Variants in PTPRO observed in about 807,000 individuals in gnomAD.
PTPRO encodes protein tyrosine phosphatase receptor type O, also known as receptor-type tyrosine-protein phosphatase O.
PTPRO carries 62 observed loss-of-function variants against 145.2 expected under a neutral mutation model. The ratio of observed to expected loss-of-function variants is 0.43; its 90% confidence interval spans 0.35 to 0.53. PTPRO has a LOEUF of 0.53. PTPRO is among the 20% of genes least tolerant of loss of function. The probability of loss-of-function intolerance (pLI) is 0.01; values close to 1 mark genes in which losing one functional copy is unlikely to be tolerated. For synonymous variants in PTPRO, 565 were observed against 514.7 expected (o/e 1.10, Z -1.32); for missense variants, 1,345 against 1,482.7 (o/e 0.91, Z 1.53).
intron 26 of PTPRO, 173 bp downstream of exon 26, chr12:15,595,230 A>G (rs1944635712): frequency 6.6e-6 from 4 of 606,258 alleles, no homozygotes; most frequent in Non-Finnish European, 1.2e-5. Context: ...CAAGTACTGT[A>G]GCAGATCTTT....
At chr12:15,438,581 A>G (rs1940666186) in intron 1 of PTPRO, among the ~76,000 whole-genome samples, 1 of 151,972 alleles carries the variant, frequency 6.6e-6, no homozygotes, top group South Asian at 2.1e-4. Context: ...ATCTTTATCA[A>G]TAGACTGAAC....
intron 1 of PTPRO, chr12:15,348,169 A>T (rs1937655541): frequency 6.6e-6 from 1 of 152,210 alleles, no homozygotes; most frequent in Non-Finnish European, 1.5e-5. Flanking sequence ...ATTATTCTGG[A>T]ATTTCTAGCT....
chr12:15,593,172 A>G (rs186099943), intron 25 of PTPRO, among the ~76,000 whole-genome samples: 29 of 152,370 alleles, frequency 1.9e-4, no homozygotes, highest in Admixed American at 5.2e-4. Context: ...ATAGGATACC[A>G]TCACCACAAA....
intron 1 of PTPRO, among the ~76,000 whole-genome samples, chr12:15,402,268 G>A (rs1391629354): frequency 6.6e-6 from 1 of 152,000 alleles, no homozygotes; most frequent in East Asian, 1.9e-4. Flanking sequence ...TGTGCCTGTA[G>A]TCCCAGCTAC....
In PTPRO at chr12:15,560,232, A is replaced by T; in HGVS notation, c.2667A>T (p.Ser889=). The part of the protein sequence containing the change: ...SIFAFLTLLP[S]CLWTDYLLAF... Reference sequence around the variant, plus strand: ...TTGCTTTCTTAACCCTGCTACCCTCATGTCTTTGGACTGATTATCTTTTGG... The same window carrying T: ...TTGCTTTCTTAACCCTGCTACCCTCTTGTCTTTGGACTGATTATCTTTTGG... The change falls in exon 17 of 27, where the codon TCA becomes TCT. Residue 889 remains serine (S), a synonymous_variant. Coordinates refer to ENST00000281171, the MANE Select transcript of PTPRO (RefSeq NM_030667.3). 1 of 1,596,484 alleles carries T rather than the reference A, an allele frequency of 6.3e-7. No homozygotes were observed. The highest frequency in any genetic ancestry group is 8.6e-7 in the Non-Finnish European group (1 of 1,164,356).
At chr12:15,391,998 C>T (rs954227992) in intron 1 of PTPRO, among the ~76,000 whole-genome samples, 3 of 152,114 alleles carry the variant, frequency 2.0e-5, no homozygotes, top group Admixed American at 6.5e-5. Context: ...GTATTATACC[C>T]AAGTTTTTGT....
At chr12:15,517,082 T>G in intron 9 of PTPRO, 126 bp downstream of exon 9, 1 of 920,278 alleles carries the variant, frequency 1.1e-6, no homozygotes, top group Non-Finnish European at 1.8e-6. Context: ...GTGTGTTAGT[T>G]CATTTTCACA....
chr12:15,523,427 A>G (rs1285316522), intron 10 of PTPRO, among the ~76,000 whole-genome samples: 1 of 152,190 alleles, frequency 6.6e-6, no homozygotes, highest in Non-Finnish European at 1.5e-5. Flanking sequence ...CCTATATAGT[A>G]TAAAGCTTGT....
chr12:15,526,020 CAATT>C, intron 11 of PTPRO, 118 bp from the exon 12 acceptor site: 1 of 1,236,266 alleles, frequency 8.1e-7, no homozygotes, highest in Non-Finnish European at 1.2e-6. Context: ...ATAATATAAT[CAATT>C]GCAGACTGCT....
intron 12 of PTPRO, among the ~76,000 whole-genome samples, chr12:15,534,711 T>C (rs1055372623): frequency 6.6e-6 from 1 of 152,176 alleles, no homozygotes. Flanking sequence ...TTTTAAGGCA[T>C]GCAGTTGGAA....
chr12:15,352,422 G>A (rs574681408), intron 1 of PTPRO, among the ~76,000 whole-genome samples: 1 of 152,188 alleles, frequency 6.6e-6, no homozygotes, highest in East Asian at 1.9e-4. Context: ...AGGCCAAGGT[G>A]GGCGGATCAC....
intron 17 of PTPRO, among the ~76,000 whole-genome samples, chr12:15,563,356 G>T (rs1943822326): frequency 6.6e-6 from 1 of 151,986 alleles, no homozygotes; most frequent in Admixed American, 6.6e-5. Context: ...AGTTAAAATT[G>T]CTAGCAAAGC....
intron 1 of PTPRO, among the ~76,000 whole-genome samples, chr12:15,340,532 T>A (rs1866942746): frequency 6.6e-6 from 1 of 152,222 alleles, no homozygotes; most frequent in South Asian, 2.1e-4. Context: ...AGTCTGTATA[T>A]CAGTGGATTC....
chr12:15,472,754 G>A (rs148536494), intron 1 of PTPRO, among the ~76,000 whole-genome samples: 7 of 152,252 alleles, frequency 4.6e-5, no homozygotes, highest in East Asian at 3.9e-4. Context: ...TTATTCACTC[G>A]TGTCACCAAA....
chr12:15,388,256 CA>C (rs966424620), intron 1 of PTPRO, among the ~76,000 whole-genome samples: 16 of 148,944 alleles, frequency 1.1e-4, no homozygotes, highest in South Asian at 2.1e-4. Flanking sequence ...TAAATTTTAC[CA>C]AAAAAAAATC....
At chr12:15,440,034 G>A (rs1407300941) in intron 1 of PTPRO, 5 of 658,972 alleles carry the variant, frequency 7.6e-6, no homozygotes, top group Non-Finnish European at 1.4e-5. Flanking sequence ...GGCTACAGGG[G>A]TAACAAGATC....
At chr12:15,330,439 T>C (rs1866576008) in intron 1 of PTPRO, among the ~76,000 whole-genome samples, 1 of 152,190 alleles carries the variant, frequency 6.6e-6, no homozygotes, top group Non-Finnish European at 1.5e-5. Context: ...CGAGATCAAC[T>C]GTGCTGGATA....
chr12:15,352,649 C>CAAAA (rs71042243), intron 1 of PTPRO, among the ~76,000 whole-genome samples: 2 of 100,350 alleles, frequency 2.0e-5, no homozygotes, highest in African/African-American at 8.1e-5. Flanking sequence ...GACTCTGTCT[C>CAAAA]AAAAAAAAAA....
At chr12:15,427,333 C>T in intron 1 of PTPRO, among the ~76,000 whole-genome samples, 1 of 151,800 alleles carries the variant, frequency 6.6e-6, no homozygotes. Flanking sequence ...AATATGTATG[C>T]CTGATGAATT....
Sources: gnomAD v4.1 joint callset for allele counts (sites outside exome capture counted in the v4.1 genomes callset) on GRCh38, gnomAD v4.1.1 for gene constraint, MANE v1.5 for transcripts, NCBI Gene and HGNC (gene_info 2026-07-23, HGNC 2026-07-21) for gene names.